B3GALT1: variants seen among roughly 807,000 people sequenced by gnomAD.
B3GALT1 encodes beta-1,3-galactosyltransferase 1.
B3GALT1 carries 10 observed loss-of-function variants against 23.2 expected under a neutral mutation model. That is an observed-to-expected ratio of 0.43 (90% CI 0.27 to 0.73). The LOEUF (loss-of-function observed/expected upper bound fraction) is 0.73. Ranked by LOEUF, B3GALT1 falls within the 30% of genes least tolerant of loss-of-function variation. The probability of loss-of-function intolerance (pLI) is 0.21; values close to 1 mark genes in which losing one functional copy is unlikely to be tolerated. For missense variants in B3GALT1, 299 were observed against 405.4 expected (o/e 0.74, Z 2.25); for synonymous variants, 156 against 141.5 (o/e 1.10, Z -0.73).
intron 1 of B3GALT1, among the ~76,000 whole-genome samples, chr2:167,396,528 ATATATATGTG>A (rs1292942850): frequency 1.3e-5 from 1 of 75,192 alleles, no homozygotes; most frequent in African/African-American, 3.8e-5. Context: ...ATATATATAT[ATATATATGTG>A]TGTGTGTGTG....
chr2:167,791,707 A>G (rs1326869185), intron 3 of B3GALT1, among the ~76,000 whole-genome samples: 1 of 152,210 alleles, frequency 6.6e-6, no homozygotes, highest in Non-Finnish European at 1.5e-5. Context: ...AAGTGAGCAT[A>G]GATCAAGGCT....
intron 3 of B3GALT1, among the ~76,000 whole-genome samples, chr2:167,777,664 T>A (rs975225998): frequency 6.6e-6 from 1 of 152,202 alleles, no homozygotes; most frequent in Non-Finnish European, 1.5e-5. Context: ...TATTATATTG[T>A]TATAGCATTC....
chr2:167,339,107 G>C (rs1033433402), intron 1 of B3GALT1, among the ~76,000 whole-genome samples: 2 of 152,084 alleles, frequency 1.3e-5, no homozygotes, highest in Non-Finnish European at 2.9e-5. Context: ...CCTTTTATGT[G>C]TATACTCCGA....
At chr2:167,474,433 C>T (rs575148982) in intron 1 of B3GALT1, among the ~76,000 whole-genome samples, 1 of 152,258 alleles carries the variant, frequency 6.6e-6, no homozygotes, top group East Asian at 1.9e-4. Context: ...ATTAACATCA[C>T]TTCATTCCTG....
At chr2:167,411,544 T>A (rs1698392702) in intron 1 of B3GALT1, among the ~76,000 whole-genome samples, 1 of 152,166 alleles carries the variant, frequency 6.6e-6, no homozygotes, top group Admixed American at 6.5e-5. Context: ...TTAAGACTGC[T>A]TGTATCAATA....
intron 4 of B3GALT1, among the ~76,000 whole-genome samples, chr2:167,839,124 G>A (rs1193926573): frequency 2.0e-5 from 3 of 151,840 alleles, no homozygotes; most frequent in Admixed American, 6.6e-5. Flanking sequence ...GCACAAGACA[G>A]GGATGCCCTC....
intron 4 of B3GALT1, among the ~76,000 whole-genome samples, chr2:167,830,833 C>T (rs1408596100): frequency 6.6e-6 from 1 of 152,156 alleles, no homozygotes; most frequent in Non-Finnish European, 1.5e-5. Flanking sequence ...ACTGAACTGA[C>T]CGTTCCCAGG....
chr2:167,730,640 G>A (rs1574234815), intron 3 of B3GALT1, among the ~76,000 whole-genome samples: 1 of 152,126 alleles, frequency 6.6e-6, no homozygotes, highest in East Asian at 1.9e-4. Context: ...ACTCAGAGCT[G>A]GCGCCCTTCT....
chr2:167,868,332 G>T (rs1468501303), intron 4 of B3GALT1, among the ~76,000 whole-genome samples: 1 of 152,178 alleles, frequency 6.6e-6, no homozygotes, highest in African/African-American at 2.4e-5. Context: ...TATTCAAATA[G>T]AGAGTTAGAG....
chr2:167,428,510 AC>A (rs1698656423), intron 1 of B3GALT1, among the ~76,000 whole-genome samples: 1 of 152,112 alleles, frequency 6.6e-6, no homozygotes, highest in African/African-American at 2.4e-5. Flanking sequence ...CCTCGTCTCT[AC>A]TAAAAATACA....
rs1161093211 is a variant in B3GALT1 at position 167,785,754 on chromosome 2, G to A, written c.-351-32918G>A. ...TTCGTGCAGGGATTTCCTTATGAAT[G>A]CAGTGGTTAGTCAGACTCCAGATTC... is the stretch of plus-strand genomic sequence containing the variant. On this transcript the variant is annotated intron_variant, in intron 3 of 4. Transcript: ENST00000392690. 2.0e-5 allele frequency among the ~76,000 whole-genome samples: 3 copies of A among 152,188 alleles called. No homozygotes were observed. The East Asian group carries it at 5.8e-4, about 29-fold the overall frequency.
intron 3 of B3GALT1, among the ~76,000 whole-genome samples, chr2:167,685,462 T>C (rs1047276916): frequency 6.6e-6 from 1 of 152,148 alleles, no homozygotes; most frequent in African/African-American, 2.4e-5. Flanking sequence ...TAAAATTGTT[T>C]TCAGCGCTTC....
At chr2:167,654,859 A>C (rs1460663920) in intron 3 of B3GALT1, among the ~76,000 whole-genome samples, 3 of 151,338 alleles carry the variant, frequency 2.0e-5, no homozygotes, top group Non-Finnish European at 4.4e-5. Context: ...AGATTCTGTA[A>C]TATGACCTTT....
At chr2:167,804,160 T>C (rs1257877919) in intron 3 of B3GALT1, among the ~76,000 whole-genome samples, 1 of 152,062 alleles carries the variant, frequency 6.6e-6, no homozygotes, top group Non-Finnish European at 1.5e-5. Flanking sequence ...CAGCTGATTT[T>C]TGTATTTTTA....
Position 167,512,592 on chromosome 2 carries a change from G to GTGTATATATATA in B3GALT1, c.-410+22317_-410+22328dup, listed in dbSNP as rs1558887794. Among the ~76,000 whole-genome samples, 154 of 39,582 alleles carry GTGTATATATATA rather than the reference G, an allele frequency of 3.9e-3. 4 individuals are homozygous for GTGTATATATATA. Among genetic ancestry groups the GTGTATATATATA allele is most frequent in the African/African-American group, 0.028 (148 of 5,222 alleles). The allele number at this position is 39,582 out of a possible 152,430, so 26.0% of individuals were successfully genotyped here. A position where few individuals can be genotyped will look rare whatever the true frequency, so the allele number is the denominator to read the frequency against. ...TGTATATATATATGTATATATATAT[G>GTGTATATATATA]TGTATATATATATATGTATATATAT... On this transcript the variant is annotated intron_variant, in intron 2 of 4. Transcript: ENST00000392690.
intron 1 of B3GALT1, among the ~76,000 whole-genome samples, chr2:167,480,062 G>A (rs779438481): frequency 4.6e-5 from 7 of 152,116 alleles, no homozygotes; most frequent in African/African-American, 9.7e-5. Context: ...TCTGGAAAGC[G>A]CAATCTTGGG....
At chr2:167,413,721 A>G (rs1331682870) in intron 1 of B3GALT1, among the ~76,000 whole-genome samples, 1 of 151,996 alleles carries the variant, frequency 6.6e-6, no homozygotes, top group East Asian at 1.9e-4. Context: ...CATTATATTA[A>G]TATCATAGTT....
At chr2:167,686,138 G>A (rs1046831454) in intron 3 of B3GALT1, among the ~76,000 whole-genome samples, 2 of 152,130 alleles carry the variant, frequency 1.3e-5, no homozygotes, top group African/African-American at 4.8e-5. Flanking sequence ...AAGATAGAAA[G>A]ATTAGATAGT....
chr2:167,715,543 T>C (rs1687128628), intron 3 of B3GALT1: 2 of 1,613,688 alleles, frequency 1.2e-6, no homozygotes, highest in Non-Finnish European at 1.7e-6. Flanking sequence ...CTTCTAGAGA[T>C]TGTATCCTTT....
Sources: gnomAD v4.1 joint callset for allele counts (sites outside exome capture counted in the v4.1 genomes callset) on GRCh38, gnomAD v4.1.1 for gene constraint, MANE v1.5 for transcripts, NCBI Gene and HGNC (gene_info 2026-07-23, HGNC 2026-07-21) for gene names.